Variants in NEK11 observed in about 807,000 individuals in gnomAD.
NEK11 encodes the protein NIMA related kinase 11, also known as serine/threonine-protein kinase Nek11.
A neutral mutation model predicts 80.7 loss-of-function variants in NEK11; 72 were observed. The observed-to-expected ratio is 0.89, with a 90% CI of 0.74 to 1.08. NEK11 has a LOEUF of 1.08. NEK11 is among the 50% of genes least tolerant of loss of function. NEK11 has a pLI of 0.00. For synonymous variants in NEK11, 251 were observed against 260.7 expected, an observed-to-expected ratio of 0.96 and a Z score of 0.36; for missense variants, 764 against 763.6, an observed-to-expected ratio of 1.00 and a Z score of -0.01.
intron 17 of NEK11, among the ~76,000 whole-genome samples, chr3:131,343,489 T>C (rs565577802): frequency 5.1e-4 from 77 of 152,358 alleles, no homozygotes; most frequent in African/African-American, 1.5e-3. Flanking sequence ...GGTGAAGTCA[T>C]TGGCTGAGAA....
chr3:131,296,984 A>C (rs990112413), intron 17 of NEK11, among the ~76,000 whole-genome samples: 18 of 152,134 alleles, frequency 1.2e-4, no homozygotes, highest in East Asian at 1.9e-4. Context: ...CTACAAAGGA[A>C]ATGAACTCAT....
At chr3:131,255,067 A>AGAAAGAAG (rs1478740400) in intron 16 of NEK11, among the ~76,000 whole-genome samples, 2,437 of 128,948 alleles carry the variant, frequency 0.019, 27 homozygotes, top group Non-Finnish European at 0.028. Flanking sequence ...ACAGACAGAC[A>AGAAAGAAG]GACAGAAAGA....
At chr3:131,274,029 A>G (rs1403502183) in intron 17 of NEK11, among the ~76,000 whole-genome samples, 2 of 151,498 alleles carry the variant, frequency 1.3e-5, no homozygotes, top group East Asian at 3.9e-4. Context: ...ACATATGTAT[A>G]CATGTGCCAT....
chr3:131,282,712 T>C (rs749056018), intron 17 of NEK11, among the ~76,000 whole-genome samples: 9 of 152,222 alleles, frequency 5.9e-5, no homozygotes, highest in Non-Finnish European at 1.3e-4. Context: ...AGGAATATCT[T>C]GACAGGAAGA....
intron 15 of NEK11, among the ~76,000 whole-genome samples, chr3:131,242,934 C>T (rs148476354): frequency 6.7e-4 from 102 of 152,164 alleles, no homozygotes; most frequent in African/African-American, 2.1e-3. Flanking sequence ...AGGTAAATGA[C>T]GAGTGGTATT....
At chr3:131,210,148 G>T (rs2094566389) in intron 14 of NEK11, among the ~76,000 whole-genome samples, 1 of 152,180 alleles carries the variant, frequency 6.6e-6, no homozygotes, top group South Asian at 2.1e-4. Context: ...TCTACACACT[G>T]CTTTAAATGT....
intron 17 of NEK11, among the ~76,000 whole-genome samples, chr3:131,338,564 TC>T (rs1174215244): frequency 3.3e-5 from 5 of 152,170 alleles, no homozygotes; most frequent in Non-Finnish European, 5.9e-5. Flanking sequence ...GCAACTTTAT[TC>T]ACAATCTTCA....
chr3:131,280,699 G>A lies in NEK11; in HGVS notation c.1718+7125G>A, dbSNP rs538901292. On this transcript the variant is annotated intron_variant, in intron 17 of 17. Coordinates refer to ENST00000383366, the MANE Select transcript of NEK11 (RefSeq NM_024800.5). ...GTACAGTTATACTAATTATTTTGAT[G>A]TCTTTGACATTGTGAGTTAAAACTC... Among the ~76,000 whole-genome samples, 7 of 152,256 alleles carry A rather than the reference G, an allele frequency of 4.6e-5. No homozygotes were observed. In the East Asian group the frequency reaches 1.4e-3, roughly 29 times the overall value.
At chr3:131,274,256 G>A (rs369327657) in intron 17 of NEK11, among the ~76,000 whole-genome samples, 2 of 148,540 alleles carry the variant, frequency 1.3e-5, no homozygotes, top group Non-Finnish European at 3.0e-5. Flanking sequence ...ATGATTTCCA[G>A]TTTCATCCAT....
At chr3:131,284,660 G>T (rs570993869) in intron 17 of NEK11, among the ~76,000 whole-genome samples, 2 of 152,284 alleles carry the variant, frequency 1.3e-5, no homozygotes, top group Admixed American at 1.3e-4. Flanking sequence ...CTAATCAGCT[G>T]CCAGCATGGC....
intron 17 of NEK11, among the ~76,000 whole-genome samples, chr3:131,282,096 G>A (rs1013111160): frequency 2.0e-5 from 3 of 151,606 alleles, no homozygotes; most frequent in Non-Finnish European, 4.4e-5. Context: ...TAATAAAAGC[G>A]ATACTTTTTT....
chr3:131,230,517 A>G (rs1329384170), intron 15 of NEK11, among the ~76,000 whole-genome samples: 1 of 152,162 alleles, frequency 6.6e-6, no homozygotes. Flanking sequence ...GATATTAGCT[A>G]TTATTATTAT....
chr3:131,221,361 C>T (rs1211326426), intron 14 of NEK11, among the ~76,000 whole-genome samples: 4 of 152,208 alleles, frequency 2.6e-5, no homozygotes, highest in African/African-American at 9.6e-5. Context: ...TCAAACCACA[C>T]ATTGCTGGAC....
chr3:131,249,988 A>G (rs560639331), intron 16 of NEK11, among the ~76,000 whole-genome samples: 1 of 152,264 alleles, frequency 6.6e-6, no homozygotes, highest in South Asian at 2.1e-4. Context: ...GTGTATCCAC[A>G]AAAGTTTTTT....
intron 17 of NEK11, among the ~76,000 whole-genome samples, chr3:131,280,998 G>A (rs1392102080): frequency 6.6e-6 from 1 of 152,158 alleles, no homozygotes; most frequent in Non-Finnish European, 1.5e-5. Flanking sequence ...TGAGCCCCAA[G>A]TACTATTCTC....
chr3:131,309,468 CT>C (rs2096755536), intron 17 of NEK11, among the ~76,000 whole-genome samples: 1 of 152,114 alleles, frequency 6.6e-6, no homozygotes, highest in African/African-American at 2.4e-5. Context: ...TTAAAACAAC[CT>C]CCTCTCCTCC....
chr3:131,055,054 T>C (rs562560558), intron 3 of NEK11, among the ~76,000 whole-genome samples: 1 of 152,274 alleles, frequency 6.6e-6, no homozygotes, highest in South Asian at 2.1e-4. Flanking sequence ...GTCTAGACCA[T>C]GGCATCCCTG....
At chr3:131,287,419 A>C (rs1204821849) in intron 17 of NEK11, among the ~76,000 whole-genome samples, 1 of 152,114 alleles carries the variant, frequency 6.6e-6, no homozygotes, top group Non-Finnish European at 1.5e-5. Context: ...GATTACAGGC[A>C]TGCGCCACCA....
chr3:131,296,146 C>G (rs1431224516), intron 17 of NEK11, among the ~76,000 whole-genome samples: 3 of 152,116 alleles, frequency 2.0e-5, no homozygotes, highest in African/African-American at 7.2e-5. Flanking sequence ...TGGCCCAAGT[C>G]TGCTTTCAAA....
Sources: gnomAD v4.1 joint callset for allele counts (sites outside exome capture counted in the v4.1 genomes callset) on GRCh38, gnomAD v4.1.1 for gene constraint, MANE v1.5 for transcripts, NCBI Gene and HGNC (gene_info 2026-07-23, HGNC 2026-07-21) for gene names.